The following ATG5 variants were observed in gnomAD, a reference collection of about 807,000 sequenced individuals.
ATG5 encodes the protein autophagy protein 5.
Under a neutral mutation model 36.5 loss-of-function variants are expected in ATG5, and 14 were observed. The ratio of observed to expected loss-of-function variants is 0.38; its 90% CI spans 0.25 to 0.60. ATG5 has a LOEUF of 0.60. Among genes scored for constraint, ATG5 ranks in the 20% least tolerant of loss-of-function variants. The pLI, the probability that ATG5 is intolerant of heterozygous loss-of-function variation, is 0.60. For synonymous variants in ATG5, 95 were observed against 101.5 expected, an observed-to-expected ratio of 0.94 and a Z score of 0.38; for missense variants, 195 against 326.7, an observed-to-expected ratio of 0.60 and a Z score of 3.11.
chr6:106,288,642 G>A (rs887078231), intron 4 of ATG5, among the ~76,000 whole-genome samples: 4 of 152,114 alleles, frequency 2.6e-5, no homozygotes, highest in African/African-American at 9.7e-5. Context: ...GTGGTCTGGT[G>A]GAACAATATC....
intron 6 of ATG5, among the ~76,000 whole-genome samples, chr6:106,205,680 A>G (rs1776604074): frequency 6.6e-6 from 1 of 152,182 alleles, no homozygotes; most frequent in Non-Finnish European, 1.5e-5. Flanking sequence ...TGTTATTTTT[A>G]TATATCTTTT....
intron 6 of ATG5, among the ~76,000 whole-genome samples, chr6:106,225,261 T>C (rs1237170637): frequency 6.6e-6 from 1 of 152,200 alleles, no homozygotes. Flanking sequence ...AAGCTCTCAA[T>C]CTTAACCACA....
intron 5 of ATG5, among the ~76,000 whole-genome samples, chr6:106,279,039 C>G (rs1779771881): frequency 6.6e-6 from 1 of 152,172 alleles, no homozygotes; most frequent in Non-Finnish European, 1.5e-5. Context: ...GAAATTCATG[C>G]ATACTGGAAC....
At position 106,212,635 on chromosome 6, in the gene ATG5, C is replaced by G. The variant is rs1002533516; in HGVS notation, c.574-10546G>C. Among the ~76,000 whole-genome samples the G allele has an allele frequency of 2.0e-5, 3 of 152,166 alleles. No individual in the cohort carries two copies. The East Asian group carries it at 5.8e-4, about 29-fold the overall frequency. On this transcript the variant is annotated intron_variant, in intron 6 of 7. Transcript: ENST00000369076. Reference sequence around the variant, plus strand: ...GCCTGGGCGAGAGCCCAGAGCGAGACTCCGTATATTAAACAAAACAAAACA... The same window carrying G: ...GCCTGGGCGAGAGCCCAGAGCGAGAGTCCGTATATTAAACAAAACAAAACA...
rs528162287 is a variant in ATG5 at position 106,190,631 on chromosome 6, T to C, written c.692-3955A>G. Among the ~76,000 whole-genome samples, 19 of 152,260 alleles carry C rather than the reference T, an allele frequency of 1.2e-4. No homozygotes were observed. The South Asian group carries it at 3.9e-3, about 32-fold the overall frequency. On this transcript the variant is annotated intron_variant, in intron 7 of 7. Coordinates refer to ENST00000369076, the MANE Select transcript of ATG5 (RefSeq NM_004849.4). ...TTGTATAATGTCCACAAAGCACTTT[T>C]AGAAACCAGCATCTACTTAAAAGTG...
At chr6:106,293,956 T>G (rs894279341) in intron 3 of ATG5, among the ~76,000 whole-genome samples, 8 of 151,988 alleles carry the variant, frequency 5.3e-5, no homozygotes, top group African/African-American at 9.7e-5. Context: ...GAGAAGTGTT[T>G]CAGATTTCAG....
chr6:106,306,314 G>A (rs1770444522), intron 3 of ATG5, among the ~76,000 whole-genome samples: 2 of 152,278 alleles, frequency 1.3e-5, no homozygotes, highest in South Asian at 4.2e-4. Context: ...TAACCACCAT[G>A]AGGGACAGCA....
At chr6:106,264,214 C>A (rs1779140557) in intron 5 of ATG5, among the ~76,000 whole-genome samples, 1 of 151,672 alleles carries the variant, frequency 6.6e-6, no homozygotes, top group Non-Finnish European at 1.5e-5. Context: ...GTATCAATAG[C>A]CAAACTGATC....
rs1458000499 is a variant in ATG5, at chr6:106,305,070, G to A, written c.236+3294C>T. On this transcript the variant is annotated intron_variant, in intron 3 of 7. Coordinates refer to ENST00000369076, the MANE Select transcript of ATG5 (RefSeq NM_004849.4). ...CATGCCATTGCACTCCAGCCTGGGC[G>A]ACAAGAGCAAAACTCCGTCTCAAAA... is the stretch of plus-strand genomic sequence containing the variant. Among the ~76,000 whole-genome samples the A allele has an allele frequency of 1.7e-4, 24 of 142,588 alleles. 1 individual carries two copies. Among genetic ancestry groups the A allele is most frequent in the Non-Finnish European group, 1.2e-4 (8 of 66,452 alleles). 93.5% of individuals were successfully genotyped at this position (142,588 alleles called of 152,430 possible). A position where few individuals can be genotyped will look rare whatever the true frequency, so the allele number is the denominator to read the frequency against.
At chr6:106,309,911 A>G (rs1040461245) in intron 2 of ATG5, among the ~76,000 whole-genome samples, 2 of 152,148 alleles carry the variant, frequency 1.3e-5, no homozygotes, top group Non-Finnish European at 2.9e-5. Flanking sequence ...AACAATATTA[A>G]CTTATGGAGA....
rs777618977 is a variant in ATG5, at chr6:106,279,629, G to A, written c.478+32C>T. The A allele has an allele frequency of 7.1e-6, 10 of 1,400,016 alleles. No individual in the cohort carries two copies. The Admixed American group carries it at 2.3e-4, about 33-fold the overall frequency. The allele number at this position is 1,400,016 out of a possible 1,614,324, so 86.7% of individuals were successfully genotyped here. ...ATGGCTGTATCATATTTTATAAAGT[G>A]GTATTCTAAAATTAAACACTATTAT... On this transcript the variant is annotated intron_variant, in intron 5 of 7. Coordinates refer to ENST00000369076, the MANE Select transcript of ATG5 (RefSeq NM_004849.4).
intron 6 of ATG5, among the ~76,000 whole-genome samples, chr6:106,220,470 A>T (rs1470264908): frequency 6.6e-6 from 1 of 152,192 alleles, no homozygotes; most frequent in Non-Finnish European, 1.5e-5. Flanking sequence ...CCTGATATGA[A>T]ATGTCAAACA....
At chr6:106,281,632 A>G (rs942305048) in intron 4 of ATG5, among the ~76,000 whole-genome samples, 3 of 152,344 alleles carry the variant, frequency 2.0e-5, no homozygotes, top group South Asian at 4.1e-4. Context: ...AAAAGCTGCT[A>G]TGAACATTAA....
At chr6:106,317,400 T>G (rs1770891054) in intron 1 of ATG5, among the ~76,000 whole-genome samples, 1 of 152,178 alleles carries the variant, frequency 6.6e-6, no homozygotes, top group South Asian at 2.1e-4. Flanking sequence ...GGAGCTTATT[T>G]CCCTTTTTTT....
intron 5 of ATG5, among the ~76,000 whole-genome samples, chr6:106,250,175 G>A (rs1308845687): frequency 1.4e-5 from 2 of 147,210 alleles, no homozygotes; most frequent in Non-Finnish European, 3.1e-5. Context: ...GTTCAGCTTG[G>A]TATTTTTCTA....
intron 5 of ATG5, 95 bp downstream of exon 5, chr6:106,279,566 A>G: frequency 1.8e-6 from 2 of 1,111,522 alleles, no homozygotes; most frequent in Middle Eastern, 3.2e-4. Flanking sequence ...TTAAACTTGT[A>G]CCACCAATTC....
rs1775777041 is a variant in ATG5, at chr6:106,186,551, G to A, written c.817C>T (p.Pro273Ser). 6.2e-7 allele frequency: 1 copy of A among 1,613,494 alleles called. No homozygotes were observed. Among genetic ancestry groups the A allele is most frequent in the Non-Finnish European group, 8.5e-7 (1 of 1,179,566 alleles). ...AAATAGTTGATCCTTCAATCTGTTGGCTGTGGGATGATACTAATATGAAGA... is the reference window on the plus strand; with the variant it reads ...AAATAGTTGATCCTTCAATCTGTTGACTGTGGGATGATACTAATATGAAGA... The part of the protein sequence containing the change: ...NFLHISIIPQ[P>S]TD The change falls in exon 8 of 8, where the codon CCA becomes TCA. Residue 273 changes from proline to serine, a missense_variant. Pro to Ser is a moderately conservative substitution (Grantham distance 74, BLOSUM62 -1). Transcript: ENST00000369076.
intron 6 of ATG5, among the ~76,000 whole-genome samples, chr6:106,212,914 T>C (rs750903106): frequency 2.7e-4 from 41 of 152,300 alleles, no homozygotes; most frequent in Non-Finnish European, 5.0e-4. Context: ...TAGCTGCTAG[T>C]TGAGTAATAG....
intron 3 of ATG5, among the ~76,000 whole-genome samples, chr6:106,298,102 T>G (rs1770045223): frequency 6.6e-6 from 1 of 151,578 alleles, no homozygotes; most frequent in African/African-American, 2.4e-5. Flanking sequence ...GTAGCTGGGA[T>G]TACAGGCGCG....
Sources: allele counts gnomAD v4.1 joint callset (sites outside exome capture counted in the v4.1 genomes callset), GRCh38; gene constraint gnomAD v4.1.1; transcripts MANE v1.5; gene names NCBI Gene and HGNC (gene_info 2026-07-23, HGNC 2026-07-21).